Variants in TIAM2 observed in about 807,000 individuals in gnomAD.
TIAM2 encodes rho guanine nucleotide exchange factor TIAM2.
A neutral mutation model predicts 152.9 loss-of-function variants in TIAM2; 80 were observed. The ratio of observed to expected loss-of-function variants is 0.52; its 90% CI spans 0.44 to 0.63. The LOEUF is 0.63. Among genes scored for constraint, TIAM2 ranks in the 30% least tolerant of loss-of-function variants. The probability of loss-of-function intolerance (pLI) is 0.00; values close to 1 mark genes in which losing one functional copy is unlikely to be tolerated. For synonymous variants in TIAM2, 804 were observed against 838.0 expected, an observed-to-expected ratio of 0.96 and a Z score of 0.70; for missense variants, 1,965 against 2,120.1, an observed-to-expected ratio of 0.93 and a Z score of 1.44.
rs762672755 is a variant in TIAM2, at chr6:155,252,039, T to G, written c.4119+36T>G. 12 of 1,519,054 alleles carry G rather than the reference T, an allele frequency of 7.9e-6. No individual in the cohort carries two copies. In the African/African-American group the frequency reaches 1.4e-4, roughly 18 times the overall value. The allele number at this position is 1,519,054 out of a possible 1,614,324, so 94.1% of individuals were successfully genotyped here. A position where few individuals can be genotyped will look rare whatever the true frequency, so the allele number is the denominator to read the frequency against. On this transcript the variant is annotated intron_variant, in intron 23 of 26. Coordinates refer to ENST00000682666, the MANE Select transcript of TIAM2 (RefSeq NM_012454.4). ...AATTCATTTTAATTTAAGCTACCTT[T>G]TCATAGCTGTATCTTCCTATTAACG...
intron 15 of TIAM2, among the ~76,000 whole-genome samples, chr6:155,211,735 A>G (rs1781726845): frequency 6.6e-6 from 1 of 152,064 alleles, no homozygotes; most frequent in East Asian, 1.9e-4. Context: ...AACATAAAAT[A>G]TGCCTTTTTT....
At chr6:155,040,183 G>T (rs1776995962) in intron 1 of TIAM2, among the ~76,000 whole-genome samples, 1 of 152,054 alleles carries the variant, frequency 6.6e-6, no homozygotes, top group African/African-American at 2.4e-5. Flanking sequence ...CTCTTCTTTG[G>T]CAATTACTTT....
Position 155,137,362 on chromosome 6 carries a change from G to C in TIAM2, c.1380G>C (p.Glu460Asp), listed in dbSNP as rs376671106. ...GSDPLRQNIYENFMRELEMSR... is the reference protein window; with the variant it reads ...GSDPLRQNIYDNFMRELEMSR... ...ATCCCCTCCGGCAGAACATTTATGA[G>C]AATTTCATGCGAGAGTTGGAAATGA... is the stretch of plus-strand genomic sequence containing the variant. Residue 460 changes from glutamate to aspartate, a missense_variant, in exon 5 of 27, where the codon GAG (glutamate) becomes GAC (aspartate). Physicochemically the swap from Glu to Asp is conservative, Grantham distance 45 (BLOSUM62 2). This residue lies in a region of TIAM2 where 1,025 missense variants were observed against 1,119.4 expected (regional missense o/e 0.92). Transcript: ENST00000682666. 229 of 1,614,098 alleles carry C rather than the reference G, an allele frequency of 1.4e-4. No homozygotes were observed. Among genetic ancestry groups the C allele is most frequent in the Non-Finnish European group, 1.9e-4 (225 of 1,180,052 alleles).
At position 155,221,558 on chromosome 6, in the gene TIAM2, A is replaced by G. The variant is rs138311532; in HGVS notation, c.3168+10251A>G. ...TCTGAGATGACACTTGAAGTGGGAT[A>G]TGTTTGACCTTTTCAAGGCAAACAG... On this transcript the variant is annotated intron_variant, in intron 15 of 26. Coordinates refer to ENST00000682666, the MANE Select transcript of TIAM2 (RefSeq NM_012454.4). 3.1e-3 allele frequency among the ~76,000 whole-genome samples: 468 copies of G among 152,242 alleles called. 1 individual carries two copies. Among genetic ancestry groups the G allele is most frequent in the African/African-American group, 0.011 (444 of 41,552 alleles).
intron 1 of TIAM2, among the ~76,000 whole-genome samples, chr6:155,018,307 CTT>C (rs1446205856): frequency 7.1e-5 from 6 of 84,330 alleles, no homozygotes; most frequent in Non-Finnish European, 1.6e-4. Context: ...ATTAATTTCA[CTT>C]GCTTCTTATT....
chr6:155,145,182 G>C (rs1304028006), intron 6 of TIAM2, among the ~76,000 whole-genome samples: 2 of 152,164 alleles, frequency 1.3e-5, no homozygotes, highest in Non-Finnish European at 2.9e-5. Flanking sequence ...GATCTCAGTG[G>C]ATGTCAAAAG....
chr6:155,183,479 T>C lies in TIAM2; in HGVS notation c.3043T>C (p.Phe1015Leu). Residue 1015 changes from phenylalanine to leucine, a missense_variant, in exon 14 of 27, where the codon TTT (phenylalanine) becomes CTT (leucine). Phe to Leu is a conservative substitution (Grantham distance 22). Coordinates refer to ENST00000682666, the MANE Select transcript of TIAM2 (RefSeq NM_012454.4). ...ACTGCTGGAGGAATTCCTGGATAAC[T>C]TTAAAAAGAATACAGCCAATGGTAA... ...SQLLEEFLDNFKKNTANDFSN... is the reference protein window; with the variant it reads ...SQLLEEFLDNLKKNTANDFSN... The C allele has an allele frequency of 1.2e-6, 2 of 1,613,286 alleles. No homozygotes were observed. The highest frequency in any genetic ancestry group is 1.3e-5 in the African/African-American group (1 of 75,012).
At chr6:155,234,838 T>A (rs1234376703) in intron 15 of TIAM2, among the ~76,000 whole-genome samples, 1 of 152,226 alleles carries the variant, frequency 6.6e-6, no homozygotes, top group African/African-American at 2.4e-5. Flanking sequence ...GCTGCATCCC[T>A]AGAACACCTG....
intron 1 of TIAM2, among the ~76,000 whole-genome samples, chr6:155,033,868 C>G (rs184296113): frequency 6.6e-6 from 1 of 151,902 alleles, no homozygotes; most frequent in Admixed American, 6.6e-5. Context: ...AGGTGCGTGC[C>G]ACCACACCCG....
intron 2 of TIAM2, among the ~76,000 whole-genome samples, chr6:155,124,484 C>T (rs1199757375): frequency 6.6e-6 from 1 of 152,176 alleles, no homozygotes; most frequent in Non-Finnish European, 1.5e-5. Context: ...GCATGCACCA[C>T]CATGCCTGGC....
chr6:155,130,272 C>A lies in TIAM2; in HGVS notation c.1049C>A (p.Pro350His). The change falls in exon 4 of 27, where the codon CCC becomes CAC. Residue 350 changes from proline (P) to histidine (H), a missense_variant. Physicochemically the swap from Pro to His is moderately conservative, Grantham distance 77 (BLOSUM62 -2). Coordinates refer to ENST00000682666, the MANE Select transcript of TIAM2 (RefSeq NM_012454.4). ...CCCTCCAGAGTGGCACACGGGGACCCCATCCAGTACAGTTCCTTCACTCTC... is the reference window on the plus strand; with the variant it reads ...CCCTCCAGAGTGGCACACGGGGACCACATCCAGTACAGTTCCTTCACTCTC... Reference protein sequence around the residue: ...DVPSRVAHGDPIQYSSFTLPC... With the variant: ...DVPSRVAHGDHIQYSSFTLPC... 6.2e-7 allele frequency: 1 copy of A among 1,614,202 alleles called. No individual in the cohort carries two copies.
At chr6:155,058,804 G>A (rs1218702849) in intron 1 of TIAM2, among the ~76,000 whole-genome samples, 1 of 152,154 alleles carries the variant, frequency 6.6e-6, no homozygotes, top group African/African-American at 2.4e-5. Flanking sequence ...AGATAATTAT[G>A]TTAAGATGAG....
chr6:155,049,286 C>G (rs933337093), intron 1 of TIAM2, among the ~76,000 whole-genome samples: 4 of 152,116 alleles, frequency 2.6e-5, no homozygotes, highest in Non-Finnish European at 4.4e-5. Context: ...TGTCACCTTC[C>G]TGGGTGAGAG....
At chr6:155,088,384 G>C (rs927379948) in intron 1 of TIAM2, among the ~76,000 whole-genome samples, 2 of 152,032 alleles carry the variant, frequency 1.3e-5, no homozygotes, top group African/African-American at 4.8e-5. Context: ...CCCGGCCCCG[G>C]TATAGGTGTA....
At chr6:155,145,220 G>A (rs539121369) in intron 6 of TIAM2, among the ~76,000 whole-genome samples, 46 of 152,270 alleles carry the variant, frequency 3.0e-4, no homozygotes, top group African/African-American at 1.1e-3. Context: ...ATAGACAAAT[G>A]CTATGAGGTC....
intron 1 of TIAM2, among the ~76,000 whole-genome samples, chr6:154,998,254 C>G (rs999356429): frequency 1.3e-5 from 2 of 152,148 alleles, no homozygotes; most frequent in African/African-American, 2.4e-5. Context: ...AAGTAAGGCC[C>G]TAAAGAGCTT....
At chr6:155,003,692 C>G (rs1778352708) in intron 1 of TIAM2, among the ~76,000 whole-genome samples, 1 of 152,182 alleles carries the variant, frequency 6.6e-6, no homozygotes, top group East Asian at 1.9e-4. Context: ...TTATCTCTCC[C>G]CCTCTAGCCA....
chr6:155,091,835 C>G lies in TIAM2; in HGVS notation c.-118+1456C>G, dbSNP rs148703505. Among the ~76,000 whole-genome samples, 51 of 152,304 alleles carry G rather than the reference C, an allele frequency of 3.3e-4. No individual in the cohort carries two copies. In the East Asian group the frequency reaches 8.1e-3, roughly 24 times the overall value. On this transcript the variant is annotated intron_variant, in intron 2 of 26. Coordinates refer to ENST00000682666, the MANE Select transcript of TIAM2 (RefSeq NM_012454.4). The stretch of plus-strand genomic sequence containing the variant: ...CCTAAGGTCTACAGTTATTTAGAGT[C>G]AGACTGCCTGAGTTCTTTGAATCCT...
intron 2 of TIAM2, among the ~76,000 whole-genome samples, chr6:155,106,266 A>G (rs996414669): frequency 4.2e-4 from 64 of 151,988 alleles, no homozygotes; most frequent in African/African-American, 1.4e-3. Context: ...CGGCCTCCCA[A>G]CGTGCTGGGA....
Sources: allele counts gnomAD v4.1 joint callset (sites outside exome capture counted in the v4.1 genomes callset), GRCh38; gene constraint gnomAD v4.1.1; regional missense constraint gnomAD v4.1.1; transcripts MANE v1.5; gene names NCBI Gene and HGNC (gene_info 2026-07-23, HGNC 2026-07-21).